Variants in TMEM209 observed in about 807,000 individuals in gnomAD.
TMEM209 encodes the protein transmembrane protein 209, also known as testicular tissue protein Li 202.
A neutral mutation model predicts 76.2 loss-of-function variants in TMEM209; 65 were observed. That is an observed-to-expected ratio of 0.85 (90% confidence interval 0.70 to 1.05). TMEM209 has a LOEUF of 1.05. Among genes scored for constraint, TMEM209 ranks in the 50% least tolerant of loss-of-function variants. The pLI is 0.00. For synonymous variants in TMEM209, 239 were observed against 237.6 expected (o/e 1.01, Z -0.06); for missense variants, 623 against 685.5 (o/e 0.91, Z 1.02).
At chr7:130,170,266 G>T in intron 14 of TMEM209, 134 bp downstream of exon 14, 1 of 713,666 alleles carries the variant, frequency 1.4e-6, no homozygotes, top group Non-Finnish European at 2.3e-6. Context: ...GAGGTAGTCT[G>T]TGACAGGGCT....
intron 5 of TMEM209, among the ~76,000 whole-genome samples, chr7:130,194,406 G>T (rs1797903231): frequency 6.6e-6 from 1 of 150,984 alleles, no homozygotes; most frequent in Non-Finnish European, 1.5e-5. Flanking sequence ...CTGTGCCACT[G>T]CATTCCAGCC....
At chr7:130,188,771 A>G (rs75734750) in intron 6 of TMEM209, among the ~76,000 whole-genome samples, 8,518 of 152,140 alleles carry the variant, frequency 0.056, 770 homozygotes, top group African/African-American at 0.19. Flanking sequence ...AAGTGATCCT[A>G]TTTTATTATA....
intron 10 of TMEM209, among the ~76,000 whole-genome samples, chr7:130,176,150 T>A (rs1797229557): frequency 6.6e-6 from 1 of 151,238 alleles, no homozygotes. Context: ...TCTCGCTCTG[T>A]CACCCAGGCT....
At chr7:130,169,949 A>G (rs1271698931) in intron 14 of TMEM209, among the ~76,000 whole-genome samples, 1 of 152,162 alleles carries the variant, frequency 6.6e-6, no homozygotes, top group African/African-American at 2.4e-5. Context: ...CTTTGTTACC[A>G]AGTATGTAAA....
chr7:130,188,640 T>G (rs1184548835), intron 6 of TMEM209, among the ~76,000 whole-genome samples: 2 of 139,756 alleles, frequency 1.4e-5, no homozygotes, highest in Admixed American at 1.4e-4. Context: ...TACTTTATAA[T>G]CACCACTTTA....
At position 130,169,210 on chromosome 7, in the gene TMEM209, A is replaced by AC. The variant is rs1247345042; in HGVS notation, c.1631+1189_1631+1190insG. On this transcript the variant is annotated intron_variant, in intron 14 of 14. Coordinates refer to ENST00000397622, the MANE Select transcript of TMEM209 (RefSeq NM_032842.4). The stretch of plus-strand genomic sequence containing the variant: ...ACTCCATCTCAAAAAAAAAAAAAAA[A>AC]AAAGCTAATAAATGTTCATATTTGT... Among the ~76,000 whole-genome samples the AC allele has an allele frequency of 7.2e-5, 11 of 152,004 alleles. No individual in the cohort carries two copies. In the South Asian group the frequency reaches 1.5e-3, roughly 20 times the overall value.
At chr7:130,195,747 A>T (rs920984646) in intron 5 of TMEM209, among the ~76,000 whole-genome samples, 3 of 152,026 alleles carry the variant, frequency 2.0e-5, no homozygotes, top group Non-Finnish European at 2.9e-5. Context: ...GATCCCAGGG[A>T]GAACTATTTT....
intron 9 of TMEM209, among the ~76,000 whole-genome samples, chr7:130,178,830 T>C (rs780505358): frequency 6.6e-6 from 1 of 152,122 alleles, no homozygotes; most frequent in East Asian, 1.9e-4. Context: ...CGCTGGAGTA[T>C]AGCGGCACAA....
At chr7:130,188,362 C>T (rs1412616277) in intron 6 of TMEM209, among the ~76,000 whole-genome samples, 5 of 152,110 alleles carry the variant, frequency 3.3e-5, no homozygotes, top group Admixed American at 2.0e-4. Flanking sequence ...TTTGGGAGGC[C>T]AAGGCGGGCG....
At chr7:130,182,880 C>T (rs939183756) in intron 8 of TMEM209, among the ~76,000 whole-genome samples, 4 of 152,150 alleles carry the variant, frequency 2.6e-5, no homozygotes, top group Admixed American at 2.6e-4. Context: ...TCACATGAAG[C>T]TATTTATAGG....
intron 5 of TMEM209, among the ~76,000 whole-genome samples, chr7:130,200,849 G>C (rs1798164037): frequency 6.6e-6 from 1 of 151,952 alleles, no homozygotes; most frequent in Non-Finnish European, 1.5e-5. Context: ...TAAATGTTTG[G>C]GAGGTCGAGG....
chr7:130,172,685 G>T (rs1797108530), intron 13 of TMEM209, among the ~76,000 whole-genome samples: 1 of 151,968 alleles, frequency 6.6e-6, no homozygotes, highest in African/African-American at 2.4e-5. Flanking sequence ...TACTAGTGAA[G>T]TTTTTTTTAT....
chr7:130,167,142 C>G (rs1052304371), intron 14 of TMEM209, among the ~76,000 whole-genome samples: 9 of 152,180 alleles, frequency 5.9e-5, no homozygotes, highest in African/African-American at 2.2e-4. Flanking sequence ...TTATTTGGAA[C>G]TATGAGAGTA....
chr7:130,174,805 T>TC (rs1797181569), intron 11 of TMEM209, among the ~76,000 whole-genome samples: 1 of 152,142 alleles, frequency 6.6e-6, no homozygotes, highest in Non-Finnish European at 1.5e-5. Flanking sequence ...AAATTCCTTC[T>TC]CCACCACAAG....
chr7:130,167,286 T>C (rs948335251), intron 14 of TMEM209, among the ~76,000 whole-genome samples: 4 of 152,292 alleles, frequency 2.6e-5, no homozygotes, highest in African/African-American at 9.6e-5. Flanking sequence ...ATGTATTAAC[T>C]TTGATAAAAA....
chr7:130,181,603 T>A lies in TMEM209; in HGVS notation c.1120+20A>T, dbSNP rs774700703. ...AGATTTACTAATAGAAATCCAACAC[T>A]GGGCTCTGTTTTCACATACCTCCTA... is the stretch of plus-strand genomic sequence containing the variant. On this transcript the variant is annotated intron_variant, in intron 9 of 14. Transcript: ENST00000397622. 4 of 1,596,656 alleles carry A rather than the reference T, an allele frequency of 2.5e-6. No homozygotes were observed. Among genetic ancestry groups the A allele is most frequent in the Non-Finnish European group, 3.4e-6 (4 of 1,168,368 alleles).
chr7:130,171,872 A>G (rs1296198742), intron 13 of TMEM209, among the ~76,000 whole-genome samples: 2 of 152,174 alleles, frequency 1.3e-5, no homozygotes, highest in Non-Finnish European at 2.9e-5. Context: ...CTTACTAAAA[A>G]TACAAAAAAA....
intron 1 of TMEM209, 137 bp downstream of exon 1, chr7:130,205,236 C>G: frequency 6.3e-7 from 1 of 1,599,072 alleles, no homozygotes; most frequent in South Asian, 1.1e-5. Context: ...TTGCTTCTTT[C>G]TTCCCTTCCC....
At chr7:130,180,409 A>G (rs1303516053) in intron 9 of TMEM209, among the ~76,000 whole-genome samples, 1 of 152,102 alleles carries the variant, frequency 6.6e-6, no homozygotes, top group Non-Finnish European at 1.5e-5. Context: ...AAAGTCTCGA[A>G]GTCTCGCTCT....
Sources: allele counts gnomAD v4.1 joint callset (sites outside exome capture counted in the v4.1 genomes callset), GRCh38; gene constraint gnomAD v4.1.1; transcripts MANE v1.5; gene names NCBI Gene and HGNC (gene_info 2026-07-23, HGNC 2026-07-21).